Variants in IL1RAPL2 observed in about 807,000 individuals in gnomAD.
IL1RAPL2 encodes interleukin 1 receptor accessory protein like 2.
A neutral mutation model predicts 44.1 loss-of-function variants in IL1RAPL2; 3 were observed. The ratio of observed to expected loss-of-function variants is 0.07; its 90% CI spans 0.03 to 0.18. The LOEUF (loss-of-function observed/expected upper bound fraction) is 0.18. Ranked by LOEUF, IL1RAPL2 falls within the 10% of genes least tolerant of loss-of-function variation. The pLI, the probability that IL1RAPL2 is intolerant of heterozygous loss-of-function variation, is 1.00. For missense variants in IL1RAPL2, 391 were observed against 496.4 expected (o/e 0.79, Z 2.02); for synonymous variants, 181 against 178.8 (o/e 1.01, Z -0.10).
chrX:104,948,688 G>T (rs1200891412), intron 2 of IL1RAPL2, among the ~76,000 whole-genome samples: 1 of 111,135 alleles, frequency 9.0e-6, no homozygotes, highest in African/African-American at 3.3e-5. Context: ...TGTGGTTTTT[G>T]TCTTTGGTTC....
intron 6 of IL1RAPL2, among the ~76,000 whole-genome samples, chrX:105,547,998 T>A (rs2036818671): frequency 1.8e-5 from 2 of 111,817 alleles, no homozygotes; most frequent in Admixed American, 9.5e-5. Context: ...AGAAGTTTAG[T>A]GCCTTCTAAA....
intron 6 of IL1RAPL2, among the ~76,000 whole-genome samples, chrX:105,510,909 A>T (rs1027422400): frequency 1.8e-5 from 2 of 112,120 alleles, no homozygotes; most frequent in Admixed American, 9.4e-5. Context: ...TTGTTTTGCC[A>T]CAAACTTTGT....
chrX:104,897,717 A>G (rs1231301706), intron 2 of IL1RAPL2, among the ~76,000 whole-genome samples: 2 of 112,242 alleles, frequency 1.8e-5, no homozygotes, highest in African/African-American at 6.5e-5. Flanking sequence ...TGCATATACA[A>G]AGTGAAGAGT....
intron 2 of IL1RAPL2, among the ~76,000 whole-genome samples, chrX:104,738,030 A>C (rs1246757082): frequency 1.8e-5 from 2 of 112,137 alleles, no homozygotes; most frequent in Non-Finnish European, 3.8e-5. Flanking sequence ...ATCAGTCAGC[A>C]TTCAGTCATT....
At chrX:105,522,094 T>G (rs1277250349) in intron 6 of IL1RAPL2, among the ~76,000 whole-genome samples, 1 of 111,898 alleles carries the variant, frequency 8.9e-6, no homozygotes, top group African/African-American at 3.2e-5. Context: ...GAGCCATCAG[T>G]GAATTTTAAT....
At chrX:105,178,127 G>A (rs1201073643) in intron 2 of IL1RAPL2, among the ~76,000 whole-genome samples, 58 of 110,157 alleles carry the variant, frequency 5.3e-4, no homozygotes, top group Non-Finnish European at 1.5e-4. Flanking sequence ...CTCTCACCTC[G>A]CCCCACATAC....
At chrX:105,422,154 T>C (rs2035778021) in intron 5 of IL1RAPL2, among the ~76,000 whole-genome samples, 1 of 112,056 alleles carries the variant, frequency 8.9e-6, no homozygotes, top group Non-Finnish European at 1.9e-5. Context: ...TTGGCTTTGA[T>C]GGAATTTTGT....
At chrX:105,582,715 G>T (rs1480601791) in intron 6 of IL1RAPL2, among the ~76,000 whole-genome samples, 3 of 107,667 alleles carry the variant, frequency 2.8e-5, no homozygotes, top group African/African-American at 1.0e-4. Flanking sequence ...AATCATTAGG[G>T]TATTAAATTG....
chrX:105,539,754 A>G (rs1180887732), intron 6 of IL1RAPL2, among the ~76,000 whole-genome samples: 1 of 111,979 alleles, frequency 8.9e-6, no homozygotes, highest in African/African-American at 3.2e-5. Context: ...ATGGGAGAAA[A>G]TATTTGCAAA....
chrX:104,848,545 A>C (rs1043725240), intron 2 of IL1RAPL2, among the ~76,000 whole-genome samples: 2 of 105,570 alleles, frequency 1.9e-5, no homozygotes, highest in East Asian at 5.9e-4. Flanking sequence ...GAATTTAGAC[A>C]AAATTACTTT....
chrX:104,705,598 A>G (rs1417389175), intron 2 of IL1RAPL2, among the ~76,000 whole-genome samples: 2 of 111,753 alleles, frequency 1.8e-5, no homozygotes, highest in Non-Finnish European at 3.8e-5. Context: ...ACCCTTCAGG[A>G]TTCTCCAACT....
chrX:105,369,748 G>T lies in IL1RAPL2; in HGVS notation c.697+102207G>T, dbSNP rs148364118. 5.3e-3 allele frequency among the ~76,000 whole-genome samples: 591 copies of T among 111,172 alleles called. 5 individuals are homozygous for T. Among genetic ancestry groups the T allele is most frequent in the African/African-American group, 0.018 (551 of 30,585 alleles). On this transcript the variant is annotated intron_variant, in intron 5 of 10. Coordinates refer to ENST00000372582, the MANE Select transcript of IL1RAPL2 (RefSeq NM_017416.2). ...GAGCTATTTGATTTAGGAGTGAGTT[G>T]CTGGTAAGGGCTATAAAAGTTGAGA...
chrX:104,880,799 C>A (rs192510625), intron 2 of IL1RAPL2, among the ~76,000 whole-genome samples: 1 of 112,045 alleles, frequency 8.9e-6, no homozygotes, highest in Non-Finnish European at 1.9e-5. Context: ...CAAAACTATA[C>A]CTTTCTGTTT....
chrX:105,509,903 G>T (rs1444117847), intron 6 of IL1RAPL2, among the ~76,000 whole-genome samples: 2 of 111,665 alleles, frequency 1.8e-5, no homozygotes, highest in Non-Finnish European at 3.8e-5. Flanking sequence ...CAGGCATGGT[G>T]GTTCATGCCT....
intron 2 of IL1RAPL2, among the ~76,000 whole-genome samples, chrX:104,960,788 G>A (rs2029990564): frequency 1.8e-5 from 2 of 110,617 alleles, no homozygotes; most frequent in South Asian, 7.7e-4. Flanking sequence ...ATTCACACCT[G>A]GAATTTACAT....
chrX:105,359,486 A>G (rs1334540687), intron 5 of IL1RAPL2, among the ~76,000 whole-genome samples: 2 of 111,353 alleles, frequency 1.8e-5, no homozygotes, highest in Admixed American at 9.6e-5. Context: ...TTTCCATTTT[A>G]TATATGAGGA....
intron 2 of IL1RAPL2, among the ~76,000 whole-genome samples, chrX:104,851,536 G>C (rs1279775757): frequency 9.0e-6 from 1 of 111,575 alleles, no homozygotes; most frequent in Non-Finnish European, 1.9e-5. Flanking sequence ...GAGGGAGTCT[G>C]AGAATCTGAG....
In IL1RAPL2 at chrX:104,656,665, T is replaced by G. The variant is rs780724799; in HGVS notation, c.-19-2230T>G. 6.3e-5 allele frequency among the ~76,000 whole-genome samples: 7 copies of G among 111,690 alleles called. No homozygotes were observed. The East Asian group carries it at 1.7e-3, about 27-fold the overall frequency. On this transcript the variant is annotated intron_variant, in intron 1 of 10. Transcript: ENST00000372582. ...ATGTATATTCTGTTGATTTGGGGTGTAGAGTTCTTTAGATTTCTATTAGGT... is the reference window on the plus strand; with the variant it reads ...ATGTATATTCTGTTGATTTGGGGTGGAGAGTTCTTTAGATTTCTATTAGGT...
chrX:104,995,460 C>A (rs923805912), intron 2 of IL1RAPL2, among the ~76,000 whole-genome samples: 3 of 111,601 alleles, frequency 2.7e-5, no homozygotes, highest in Non-Finnish European at 5.7e-5. Flanking sequence ...AGTGTGATTA[C>A]TTGTACCTAG....
Sources: allele counts gnomAD v4.1 joint callset (sites outside exome capture counted in the v4.1 genomes callset), GRCh38; gene constraint gnomAD v4.1.1; transcripts MANE v1.5; gene names NCBI Gene and HGNC (gene_info 2026-07-23, HGNC 2026-07-21).